The following ZC3H12B variants were observed in gnomAD, a reference collection of about 807,000 sequenced individuals.
ZC3H12B encodes the protein probable ribonuclease ZC3H12B.
Under a neutral mutation model 43.9 loss-of-function variants are expected in ZC3H12B, and 7 were observed. The ratio of observed to expected loss-of-function variants is 0.16; its 90% CI spans 0.09 to 0.30. The LOEUF (loss-of-function observed/expected upper bound fraction) is 0.30. ZC3H12B is among the 10% of genes least tolerant of loss of function. ZC3H12B has a pLI of 1.00. For missense variants in ZC3H12B, 475 were observed against 670.2 expected (o/e 0.71, Z 3.22); for synonymous variants, 222 against 241.7 (o/e 0.92, Z 0.76).
At chrX:65,221,624 C>G in the ZC3H12B span, among the ~76,000 whole-genome samples, 1 of 109,900 alleles carries the variant, frequency 9.1e-6, no homozygotes, top group African/African-American at 3.3e-5. Context: ...ATATGCAACC[C>G]TCCTAAATTT....
At chrX:65,127,110 C>T in the ZC3H12B span, among the ~76,000 whole-genome samples, 4 of 110,954 alleles carry the variant, frequency 3.6e-5, no homozygotes, top group South Asian at 3.8e-4. Flanking sequence ...ATTTTCTGGT[C>T]CCTTCTGATT....
In ZC3H12B at chrX:65,391,123, T is replaced by G. The variant is rs1311479681; in HGVS notation, n.296-7470T>G. Among the ~76,000 whole-genome samples the G allele has an allele frequency of 2.7e-5, 3 of 111,983 alleles. No homozygotes were observed. The East Asian group carries it at 8.4e-4, about 31-fold the overall frequency. On this transcript the variant is annotated intron_variant and non_coding_transcript_variant, in intron 2 of 5. Transcript: ENST00000617377. Reference sequence around the variant, plus strand: ...ATACAGTGAATTTTCTAAGCCCATCTGAGGACTTTGTACCTTTTCAAAAAT... The same window carrying G: ...ATACAGTGAATTTTCTAAGCCCATCGGAGGACTTTGTACCTTTTCAAAAAT...
the ZC3H12B span, among the ~76,000 whole-genome samples, chrX:65,175,890 A>T: frequency 8.9e-6 from 1 of 112,380 alleles, no homozygotes. Context: ...AGTCTTTGTA[A>T]CCACAGACCA....
At chrX:65,321,127 T>A in the ZC3H12B span, among the ~76,000 whole-genome samples, 4 of 110,138 alleles carry the variant, frequency 3.6e-5, no homozygotes, top group African/African-American at 1.3e-4. Flanking sequence ...TGGAAGAAAA[T>A]TTTTGCATGT....
chrX:65,053,110 C>CT, the ZC3H12B span, among the ~76,000 whole-genome samples: 17 of 109,303 alleles, frequency 1.6e-4, no homozygotes, highest in African/African-American at 2.3e-4. Context: ...ATTTGTGTGT[C>CT]TTTTTTTTTA....
the ZC3H12B span, among the ~76,000 whole-genome samples, chrX:65,182,125 C>A: frequency 9.0e-6 from 1 of 111,278 alleles, no homozygotes; most frequent in Admixed American, 9.7e-5. Flanking sequence ...AGCTGGAAGT[C>A]ATTATTCTCA....
intron 2 of ZC3H12B, among the ~76,000 whole-genome samples, chrX:65,382,402 A>T (rs1309558081): frequency 9.0e-6 from 1 of 110,690 alleles, no homozygotes; most frequent in Non-Finnish European, 1.9e-5. Context: ...AAATTCAACA[A>T]CCCTTCATGC....
At chrX:65,502,235 A>C (rs1441962500) in exon 5 of ZC3H12B, 1 of 1,211,552 alleles carries the variant, frequency 8.3e-7, no homozygotes, top group South Asian at 1.8e-5. Flanking sequence ...TATGGCCAGC[A>C]TGCAGTATCC....
chrX:65,175,524 A>G, the ZC3H12B span, among the ~76,000 whole-genome samples: 1 of 112,374 alleles, frequency 8.9e-6, no homozygotes, highest in Admixed American at 9.5e-5. Flanking sequence ...TGAGCAAGTG[A>G]AATATTCCAT....
the ZC3H12B span, among the ~76,000 whole-genome samples, chrX:65,316,481 A>G: frequency 8.9e-6 from 1 of 112,068 alleles, no homozygotes; most frequent in Non-Finnish European, 1.9e-5. Context: ...AAGCCAGAAG[A>G]GATTGGGGCC....
At chrX:65,254,719 G>A in the ZC3H12B span, among the ~76,000 whole-genome samples, 1 of 111,792 alleles carries the variant, frequency 8.9e-6, no homozygotes, top group African/African-American at 3.3e-5. Flanking sequence ...TGAAATGGCT[G>A]AAATGACAGA....
At chrX:65,486,845 C>T (rs552470056), upstream of ZC3H12B, among the ~76,000 whole-genome samples, 2 of 112,121 alleles carry the variant, frequency 1.8e-5, no homozygotes, top group African/African-American at 6.5e-5. Flanking sequence ...TAAGAGTAGT[C>T]GAGCTTATCT....
intron 2 of ZC3H12B, among the ~76,000 whole-genome samples, chrX:65,386,567 A>G (rs777843954): frequency 9.0e-6 from 1 of 110,915 alleles, no homozygotes; most frequent in Non-Finnish European, 1.9e-5. Context: ...CTAGCAGTCT[A>G]TCAATTTTGT....
intron 2 of ZC3H12B, among the ~76,000 whole-genome samples, chrX:65,387,113 G>A: frequency 8.9e-6 from 1 of 112,044 alleles, no homozygotes; most frequent in Admixed American, 9.5e-5. Flanking sequence ...TGAGAAGAAT[G>A]TATATTCTGT....
the ZC3H12B span, among the ~76,000 whole-genome samples, chrX:65,054,999 G>A: frequency 2.7e-5 from 3 of 111,644 alleles, no homozygotes; most frequent in African/African-American, 9.8e-5. Context: ...AGACGATGGG[G>A]TTTTCTAGAT....
chrX:65,340,981 C>T, the ZC3H12B span, among the ~76,000 whole-genome samples: 1 of 112,001 alleles, frequency 8.9e-6, no homozygotes, highest in Non-Finnish European at 1.9e-5. Context: ...CAGGAGCTTA[C>T]AGACAAAATA....
the ZC3H12B span, among the ~76,000 whole-genome samples, chrX:65,101,977 T>C: frequency 3.6e-5 from 4 of 111,673 alleles, no homozygotes; most frequent in African/African-American, 1.3e-4. Context: ...TCGAGGCAAA[T>C]ATCTTCAATA....
chrX:65,118,683 G>A, the ZC3H12B span, among the ~76,000 whole-genome samples: 4 of 109,551 alleles, frequency 3.7e-5, no homozygotes, highest in Non-Finnish European at 7.6e-5. Context: ...TAAGCTTTAT[G>A]GTACATGTGC....
At chrX:65,304,748 G>A in the ZC3H12B span, among the ~76,000 whole-genome samples, 2 of 111,574 alleles carry the variant, frequency 1.8e-5, no homozygotes, top group Admixed American at 1.9e-4. Flanking sequence ...AAAAAATGGG[G>A]AATAATTTTT....
Sources: allele counts gnomAD v4.1 joint callset (sites outside exome capture counted in the v4.1 genomes callset), GRCh38; gene constraint gnomAD v4.1.1; transcripts MANE v1.5; gene names NCBI Gene and HGNC (gene_info 2026-07-23, HGNC 2026-07-21).